Variants in NEB observed in about 807,000 individuals in gnomAD.
NEB encodes nemaline myopathy type 2.
A neutral mutation model predicts 952.2 loss-of-function variants in NEB; 512 were observed. The observed-to-expected ratio is 0.54, with a 90% CI of 0.50 to 0.58. The LOEUF (loss-of-function observed/expected upper bound fraction) is 0.58. Among genes scored for constraint, NEB ranks in the 20% least tolerant of loss-of-function variants. NEB has a pLI of 0.00. For synonymous variants in NEB, 2,900 were observed against 3,149.8 expected (o/e 0.92, Z 2.66); for missense variants, 8,428 against 9,231.1 (o/e 0.91, Z 3.56).
At chr2:151,725,387 C>G (rs925715918) in intron 6 of NEB, 66 bp downstream of exon 6, 5 of 1,297,024 alleles carry the variant, frequency 3.9e-6, no homozygotes, top group Middle Eastern at 1.9e-4. Context: ...TATTTAGAGC[C>G]CACAATTCCC....
At chr2:151,723,873 C>A (rs966639588) in intron 8 of NEB, among the ~76,000 whole-genome samples, 1 of 150,052 alleles carries the variant, frequency 6.7e-6, no homozygotes, top group African/African-American at 2.5e-5. Flanking sequence ...ATATAGGACA[C>A]TTGCAAGAAG....
At chr2:151,662,006 CTT>C in intron 46 of NEB, 127 bp downstream of exon 46, 1 of 701,872 alleles carries the variant, frequency 1.4e-6, no homozygotes, top group African/African-American at 1.8e-5. Flanking sequence ...CGACAAGACT[CTT>C]TTTCTAGGTA....
At chr2:151,526,514 G>C (rs533407732) in intron 148 of NEB, among the ~76,000 whole-genome samples, 3 of 152,276 alleles carry the variant, frequency 2.0e-5, no homozygotes, top group Admixed American at 6.5e-5. Context: ...AGCACGCTCA[G>C]ATATGCCATT....
intron 107 of NEB, among the ~76,000 whole-genome samples, chr2:151,573,920 G>T (rs1257652706): frequency 6.6e-6 from 1 of 151,710 alleles, no homozygotes; most frequent in Non-Finnish European, 1.5e-5. Context: ...TGCAAATAAT[G>T]ATAATTTGGC....
intron 71 of NEB, among the ~76,000 whole-genome samples, chr2:151,623,080 AC>A (rs1406365077): frequency 6.6e-6 from 1 of 152,174 alleles, no homozygotes; most frequent in Non-Finnish European, 1.5e-5. Flanking sequence ...ATGCCAGTTT[AC>A]CCCTTGGAAA....
intron 84 of NEB, among the ~76,000 whole-genome samples, chr2:151,605,551 G>A (rs2097669496): frequency 8.0e-6 from 1 of 124,650 alleles, no homozygotes; most frequent in Non-Finnish European, 1.9e-5. Context: ...CTCAGGACTA[G>A]TGTAAGGTGG....
In NEB at chr2:151,677,873, T is replaced by TA. The variant is rs1470488259; in HGVS notation, c.3567+2dup. On this transcript the variant is annotated splice_region_variant and intron_variant, in intron 33 of 181. Transcript: ENST00000397345. ...GGTTTCTTGAGAAGTAAATGACACTTACATCACTCTGTATCTGCATCATGT... is the reference window on the plus strand; with the variant it reads ...GGTTTCTTGAGAAGTAAATGACACTTAACATCACTCTGTATCTGCATCATGT... 6.2e-7 allele frequency: 1 copy of TA among 1,607,658 alleles called. No homozygotes were observed. Among genetic ancestry groups the TA allele is most frequent in the Non-Finnish European group, 8.5e-7 (1 of 1,175,962 alleles).
intron 47 of NEB, 90 bp downstream of exon 47, chr2:151,658,975 T>C (rs1376342526): frequency 1.0e-6 from 1 of 973,606 alleles, no homozygotes; most frequent in South Asian, 1.3e-5. Context: ...AAACATTCAC[T>C]CTCATAACTG....
chr2:151,493,654 C>A, intron 175 of NEB, 121 bp downstream of exon 175: 1 of 877,638 alleles, frequency 1.1e-6, no homozygotes, highest in Admixed American at 2.8e-5. Flanking sequence ...TTTAAGTGGA[C>A]AAGGAAGAAT....
chr2:151,540,436 T>C lies in NEB; in HGVS notation c.20800A>G (p.Ile6934Val), dbSNP rs1249118434. 1 of 1,562,258 alleles carries C rather than the reference T, an allele frequency of 6.4e-7. No individual in the cohort carries two copies. The highest frequency in any genetic ancestry group is 1.2e-5 in the South Asian group (1 of 84,948). The stretch of plus-strand genomic sequence containing the variant: ...TTGTCTTTCATCTTTTCATATTGAA[T>C]CTTGTACTTTTTCTGAGAAATAAAT... ...KDMVSEKKYK[I>V]QYEKMKDKYT... Residue 6934 changes from isoleucine to valine, a missense_variant, in exon 138 of 182, where the codon ATT (isoleucine) becomes GTT (valine). Physicochemically the swap from Ile to Val is conservative, Grantham distance 29. Transcript: ENST00000397345.
Position 151,687,661 on chromosome 2 carries a change from A to G in NEB, c.2488T>C (p.Leu830=), listed in dbSNP as rs747186813. ...TTCTTGGTGTTGGCTTTGGCTGCCA[A>G]CAGGGGAATGGCGTCCACTTTAATG... ...FDIKVDAIPL[L]AAKANTKNTS... is the part of the protein sequence containing the mutation. Residue 830 remains leucine (L), a synonymous_variant, in exon 26 of 182, where the codon TTG becomes CTG. Coordinates refer to ENST00000397345, the MANE Select transcript of NEB (RefSeq NM_001164508.2). 1.2e-6 allele frequency: 2 copies of G among 1,611,250 alleles called. No homozygotes were observed. Among genetic ancestry groups the G allele is most frequent in the Non-Finnish European group, 1.7e-6 (2 of 1,178,348 alleles).
At chr2:151,697,807 C>T (rs1384275224) in intron 13 of NEB, among the ~76,000 whole-genome samples, 159 bp from the exon 14 acceptor site, 2 of 152,200 alleles carry the variant, frequency 1.3e-5, no homozygotes, top group East Asian at 3.8e-4. Context: ...CGGCTCACGC[C>T]TGTAATCCCA....
intron 13 of NEB, among the ~76,000 whole-genome samples, chr2:151,698,111 T>G (rs2099610533): frequency 6.6e-6 from 1 of 151,636 alleles, no homozygotes; most frequent in South Asian, 2.1e-4. Flanking sequence ...GAAAAAAACC[T>G]GACAATCGAA....
intron 155 of NEB, 46 bp downstream of exon 155, chr2:151,518,919 C>A (rs1162361119): frequency 7.3e-7 from 1 of 1,371,962 alleles, no homozygotes; most frequent in South Asian, 1.2e-5. Context: ...AATTTAGTTC[C>A]AAATGGGTAA....
chr2:151,642,592 G>A lies in NEB; in HGVS notation c.8355C>T (p.Ser2785=). 2 of 1,613,120 alleles carry A rather than the reference G, an allele frequency of 1.2e-6. No homozygotes were observed. The highest frequency in any genetic ancestry group is 2.7e-5 in the African/African-American group (2 of 75,032). ...TACTTACTTCACTTGCAATATCTCT[G>A]GAGGCCTTGGCTGCCTTGATAGGAA... ...DAIPIKAAKA[S]RDIASEFKYK... Residue 2785 remains serine (S), a synonymous_variant, in exon 60 of 182, where the codon TCC becomes TCT. Transcript: ENST00000397345.
chr2:151,711,918 G>T (rs1474544882), intron 10 of NEB, among the ~76,000 whole-genome samples: 4 of 152,188 alleles, frequency 2.6e-5, no homozygotes, highest in Non-Finnish European at 5.9e-5. Context: ...GATAAGATTT[G>T]TGCTATACTG....
intron 51 of NEB, among the ~76,000 whole-genome samples, chr2:151,655,001 T>A (rs11885813): frequency 0.1 from 15,476 of 152,116 alleles, 1,365 homozygotes; most frequent in African/African-American, 0.23. Context: ...GATGCAATTT[T>A]TTTTCAACAA....
chr2:151,527,115 A>G (rs1162396029), intron 147 of NEB, 93 bp from the exon 148 acceptor site: 2 of 784,154 alleles, frequency 2.6e-6, no homozygotes, highest in Non-Finnish European at 4.2e-6. Flanking sequence ...CCTCTTAAGG[A>G]GAGGACAAAG....
rs2070625590 is a variant in NEB at position 151,507,909 on chromosome 2, A to G, written c.23451+96T>C. The G allele has an allele frequency of 4.8e-6, 4 of 826,436 alleles. No homozygotes were observed. In the Admixed American group the frequency reaches 8.2e-5, roughly 17 times the overall value. The allele number at this position is 826,436 out of a possible 1,614,324, so 51.2% of individuals were successfully genotyped here. A position where few individuals can be genotyped will look rare whatever the true frequency, so the allele number is the denominator to read the frequency against. On this transcript the variant is annotated intron_variant, in intron 162 of 181. Transcript: ENST00000397345. ...CAGGATGGGAGTTGTGGAGGGCTGCACAACAGCCCCACTGCAAGCCTGGGA... is the reference window on the plus strand; with the variant it reads ...CAGGATGGGAGTTGTGGAGGGCTGCGCAACAGCCCCACTGCAAGCCTGGGA...
Sources: allele counts gnomAD v4.1 joint callset (sites outside exome capture counted in the v4.1 genomes callset), GRCh38; gene constraint gnomAD v4.1.1; transcripts MANE v1.5; gene names NCBI Gene and HGNC (gene_info 2026-07-23, HGNC 2026-07-21).